The following PAK4 variants were observed in gnomAD, a reference collection of about 807,000 sequenced individuals.
The protein encoded by PAK4 is p21 (RAC1) activated kinase 4.
In PAK4, 49 loss-of-function variants were observed where a neutral mutation model predicts 53.5. The ratio of observed to expected loss-of-function variants is 0.92; its 90% CI spans 0.73 to 1.16. The LOEUF (loss-of-function observed/expected upper bound fraction) is 1.16. PAK4 is among the 50% of genes most tolerant of loss of function. The pLI, the probability that PAK4 is intolerant of heterozygous loss-of-function variation, is 0.00. For missense variants in PAK4, 824 were observed against 850.7 expected (o/e 0.97, Z 0.39); for synonymous variants, 376 against 375.6 (o/e 1.00, Z -0.01).
intron 8 of PAK4, 137 bp downstream of exon 9, chr19:39,177,946 C>T: frequency 3.0e-6 from 3 of 1,005,764 alleles, no homozygotes; most frequent in Non-Finnish European, 4.3e-6. Context: ...CCCCCCACCC[C>T]CGGGCCTCAT....
intron 1 of PAK4, among the ~76,000 whole-genome samples, chr19:39,158,409 G>A (rs1408662997): frequency 6.6e-6 from 1 of 152,172 alleles, no homozygotes; most frequent in Non-Finnish European, 1.5e-5. Flanking sequence ...GGGTGCTGGA[G>A]CCTGAGAGGG....
chr19:39,156,179 C>T lies in PAK4; in HGVS notation c.-22-13353C>T, dbSNP rs374561760. ...GGGGGGCAGAGTGGCCCCTTTCCTC[C>T]AGCCCATGCTGGGCACTTGCTAGAA... On this transcript the variant is annotated intron_variant, in intron 1 of 8. Transcript: ENST00000358301. Among the ~76,000 whole-genome samples the T allele has an allele frequency of 5.3e-4, 80 of 152,328 alleles. 1 individual carries two copies. The South Asian group carries it at 0.015, about 29-fold the overall frequency.
intron 2 of PAK4, among the ~76,000 whole-genome samples, chr19:39,171,614 G>T (rs991861605): frequency 6.6e-6 from 1 of 152,262 alleles, no homozygotes; most frequent in African/African-American, 2.4e-5. Context: ...AGACAGGGCA[G>T]CGGCAGACCA....
chr19:39,141,249 A>G (rs1248285451), intron 1 of PAK4, among the ~76,000 whole-genome samples: 1 of 152,020 alleles, frequency 6.6e-6, no homozygotes, highest in Non-Finnish European at 1.5e-5. Flanking sequence ...TCGTACAGCC[A>G]GAAATATTCC....
rs1484466966 is a variant in PAK4, at chr19:39,177,007, TACAGGCACCCGCC to T, written c.1485+295_1485+307del. Among the ~76,000 whole-genome samples the T allele has an allele frequency of 7.2e-5, 11 of 152,278 alleles. No individual in the cohort carries two copies. In the East Asian group the frequency reaches 2.1e-3, roughly 29 times the overall value. ...CCTCAGCCTCCCGAGAAGCTGGTTT[TACAGGCACCCGCC>T]ACCATGCCTGGCTAATTTTTGTATT... On this transcript the variant is annotated intron_variant, in intron 7 of 8. Transcript: ENST00000358301.
At chr19:39,127,668 A>G (rs983351184) in intron 1 of PAK4, among the ~76,000 whole-genome samples, 4 of 152,098 alleles carry the variant, frequency 2.6e-5, no homozygotes, top group Admixed American at 2.0e-4. Flanking sequence ...GAGGGCACTC[A>G]GTTCCCTGGT....
intron 1 of PAK4, among the ~76,000 whole-genome samples, chr19:39,141,140 G>C (rs1041955202): frequency 4.6e-5 from 7 of 152,224 alleles, no homozygotes; most frequent in African/African-American, 1.7e-4. Context: ...GCCCTCCTGG[G>C]GTCCCTGTCA....
rs779124840 is a variant in PAK4, at chr19:39,173,329, A to G, written c.616A>G (p.Asn206Asp). The G allele has an allele frequency of 4.2e-5, 66 of 1,583,434 alleles. No homozygotes were observed. Among genetic ancestry groups the G allele is most frequent in the Non-Finnish European group, 5.3e-5 (62 of 1,164,008 alleles). Residue 206 changes from asparagine to aspartate, a missense_variant, in exon 3 of 9, where the codon AAC (asparagine) becomes GAC (aspartate). This residue lies in a region of PAK4 where 478 missense variants were observed against 435.8 expected (regional missense o/e 1.10). Coordinates refer to ENST00000358301, the Ensembl canonical transcript of PAK4. This position sits in a 1 kb window ranked among gnomAD's most constrained non-coding sequence, Gnocchi z 6.9. ...GAAACTGGCAGCTGGCCGGCCCTTT[A>G]ACACCTACCCGAGGGCTGACACGGA...
chr19:39,149,289 T>A (rs2074056147), intron 1 of PAK4, among the ~76,000 whole-genome samples: 1 of 152,176 alleles, frequency 6.6e-6, no homozygotes, highest in Non-Finnish European at 1.5e-5. Context: ...ATGGTATACA[T>A]GATGGAATAT....
chr19:39,174,911 C>T lies in PAK4; in HGVS notation c.1099-20C>T. 1.2e-6 allele frequency: 2 copies of T among 1,613,358 alleles called. No homozygotes were observed. The highest frequency in any genetic ancestry group is 1.7e-6 in the Non-Finnish European group (2 of 1,179,782). On this transcript the variant is annotated intron_variant, in intron 4 of 8. Coordinates refer to ENST00000358301, the Ensembl canonical transcript of PAK4. Reference sequence around the variant, plus strand: ...GCAGCCCTCCCGCCTCCCTCCACCACTGACCCAGCCCCTGCACAGGTGGTA... The same window carrying T: ...GCAGCCCTCCCGCCTCCCTCCACCATTGACCCAGCCCCTGCACAGGTGGTA...
At chr19:39,150,889 T>G (rs1181981472) in intron 1 of PAK4, among the ~76,000 whole-genome samples, 1 of 152,248 alleles carries the variant, frequency 6.6e-6, no homozygotes, top group Non-Finnish European at 1.5e-5. Flanking sequence ...CGCTGGACTT[T>G]CACATTTTTT....
intron 1 of PAK4, among the ~76,000 whole-genome samples, chr19:39,127,662 G>T (rs1282759247): frequency 6.6e-6 from 1 of 152,132 alleles, no homozygotes; most frequent in Non-Finnish European, 1.5e-5. Context: ...GCCTCAGAGG[G>T]CACTCAGTTC....
Position 39,173,149 on chromosome 19 carries a change from G to A in PAK4, c.436G>A (p.Gly146Ser). 4 of 1,542,108 alleles carry A rather than the reference G, an allele frequency of 2.6e-6. No homozygotes were observed. The highest frequency in any genetic ancestry group is 3.5e-6 in the Non-Finnish European group (4 of 1,141,708). The change falls in exon 3 of 9, where the codon GGC (glycine) becomes AGC (serine). Residue 146 changes from glycine (G) to serine (S), a missense_variant. Gly to Ser is a moderately conservative substitution (Grantham distance 56). This residue lies in a region of PAK4 where 478 missense variants were observed against 435.8 expected (regional missense o/e 1.10). Transcript: ENST00000358301. This position sits in a 1 kb window ranked among gnomAD's most constrained non-coding sequence, Gnocchi z 6.9. ...GTTCGCCGGTCACAGCGAGGCGGGT[G>A]GCGGCAGTGGTGACAGGCGACGGGC...
At chr19:39,154,719 C>G (rs956109979) in intron 1 of PAK4, among the ~76,000 whole-genome samples, 1 of 152,186 alleles carries the variant, frequency 6.6e-6, no homozygotes, top group Admixed American at 6.5e-5. Flanking sequence ...ATCCACTCCC[C>G]GCCAGAGCCC....
intron 1 of PAK4, among the ~76,000 whole-genome samples, chr19:39,158,013 T>C (rs894205332): frequency 5.3e-5 from 8 of 152,200 alleles, no homozygotes; most frequent in Admixed American, 3.3e-4. Context: ...TGCATGTGTG[T>C]ATGCATGTGT....
chr19:39,162,484 T>A (rs1243129542), intron 1 of PAK4, among the ~76,000 whole-genome samples: 1 of 152,122 alleles, frequency 6.6e-6, no homozygotes, highest in Non-Finnish European at 1.5e-5. Context: ...CCCAAGCTGA[T>A]CTTGAACTCC....
At chr19:39,149,149 C>T (rs774266593) in intron 1 of PAK4, among the ~76,000 whole-genome samples, 2 of 152,158 alleles carry the variant, frequency 1.3e-5, no homozygotes, top group South Asian at 2.1e-4. Flanking sequence ...CCCAACTGTT[C>T]GTCCAAAAGA....
chr19:39,146,670 T>C (rs1004481631), intron 1 of PAK4, among the ~76,000 whole-genome samples: 7 of 151,922 alleles, frequency 4.6e-5, no homozygotes, highest in Non-Finnish European at 1.0e-4. Context: ...GGAGACACCA[T>C]CTCTTCACAA....
At chr19:39,150,780 G>A (rs1473781476) in intron 1 of PAK4, among the ~76,000 whole-genome samples, 2 of 152,276 alleles carry the variant, frequency 1.3e-5, no homozygotes, top group African/African-American at 4.8e-5. Context: ...CCTGTCCTTG[G>A]CACCCACGTT....
Sources: allele counts gnomAD v4.1 joint callset (sites outside exome capture counted in the v4.1 genomes callset), GRCh38; gene constraint gnomAD v4.1.1; regional missense constraint gnomAD v4.1.1; non-coding constraint Gnocchi (gnomAD v3.1); transcripts MANE v1.5; gene names NCBI Gene and HGNC (gene_info 2026-07-23, HGNC 2026-07-21).